Variants in BCL11A observed in about 807,000 individuals in gnomAD.
BCL11A encodes B cell CLL/lymphoma 11A.
BCL11A carries 2 observed loss-of-function variants against 55.9 expected under a neutral mutation model. The ratio of observed to expected loss-of-function variants is 0.04; its 90% CI spans 0.01 to 0.11. The LOEUF is 0.11. Ranked by LOEUF, BCL11A falls within the 10% of genes least tolerant of loss-of-function variation. BCL11A has a pLI of 1.00. For synonymous variants in BCL11A, 465 were observed against 473.4 expected, an observed-to-expected ratio of 0.98 and a Z score of 0.23; for missense variants, 817 against 1,137.1, an observed-to-expected ratio of 0.72 and a Z score of 4.05.
At chr2:60,465,660 G>C (rs1676562408) in intron 3 of BCL11A, among the ~76,000 whole-genome samples, 1 of 152,208 alleles carries the variant, frequency 6.6e-6, no homozygotes, top group Non-Finnish European at 1.5e-5. Context: ...CTCTGGGATA[G>C]TCATTTGATT....
chr2:60,516,597 G>C (rs1668739763), intron 2 of BCL11A, among the ~76,000 whole-genome samples: 1 of 152,196 alleles, frequency 6.6e-6, no homozygotes, highest in Admixed American at 6.5e-5. Flanking sequence ...GGAGTGGAGA[G>C]CTAAGCTCAA....
chr2:60,518,563 C>A (rs892526829), intron 2 of BCL11A, among the ~76,000 whole-genome samples: 4 of 152,112 alleles, frequency 2.6e-5, no homozygotes, highest in African/African-American at 9.7e-5. Flanking sequence ...GCTTCCCACA[C>A]GCAAAGGCAT....
intron 2 of BCL11A, among the ~76,000 whole-genome samples, chr2:60,483,798 T>C (rs1363680419): frequency 1.3e-5 from 2 of 152,214 alleles, no homozygotes; most frequent in African/African-American, 4.8e-5. Context: ...GGAGGATTTC[T>C]TTTTATTTTT....
chr2:60,551,380 C>T (rs1261861955), intron 1 of BCL11A, among the ~76,000 whole-genome samples: 2 of 152,184 alleles, frequency 1.3e-5, no homozygotes, highest in East Asian at 3.9e-4. Context: ...GATCCAGCGC[C>T]CTTAAAATGC....
At chr2:60,514,370 T>G (rs1668631853) in intron 2 of BCL11A, among the ~76,000 whole-genome samples, 1 of 151,872 alleles carries the variant, frequency 6.6e-6, no homozygotes, top group Non-Finnish European at 1.5e-5. Context: ...AAAATAGAAT[T>G]AAATAGCCAG....
At chr2:60,547,285 T>C (rs2104758592) in intron 1 of BCL11A, among the ~76,000 whole-genome samples, 1 of 152,340 alleles carries the variant, frequency 6.6e-6, no homozygotes, top group South Asian at 2.1e-4. Flanking sequence ...ACTAATTTTC[T>C]GAATGAGCTC....
intron 2 of BCL11A, among the ~76,000 whole-genome samples, chr2:60,530,332 T>TAAA (rs10699821): frequency 0.085 from 11,002 of 129,748 alleles, 624 homozygotes; most frequent in Middle Eastern, 0.13. Flanking sequence ...TTCAGCCATT[T>TAAA]AAAAAAAAAA....
At chr2:60,526,317 C>T (rs1159323241) in intron 2 of BCL11A, 1 of 152,210 alleles carries the variant, frequency 6.6e-6, no homozygotes, top group Non-Finnish European at 1.5e-5. Flanking sequence ...ATTTCAACTT[C>T]AGATTGTGCC....
chr2:60,468,007 G>GGTGGTGGTGGTGGT (rs1341068198), intron 3 of BCL11A, among the ~76,000 whole-genome samples: 7 of 85,378 alleles, frequency 8.2e-5, no homozygotes, highest in African/African-American at 2.4e-4. Context: ...TGGTGGTGGT[G>GGTGGTGGTGGTGGT]ATGGTGGTGG....
At chr2:60,452,891 G>A, downstream of BCL11A, 1 of 481,536 alleles carries the variant, frequency 2.1e-6, no homozygotes, top group Non-Finnish European at 3.8e-6. Flanking sequence ...GTCCCCCCAA[G>A]GAGGACCCAG....
intron 2 of BCL11A, chr2:60,478,265 C>G (rs1677746793): frequency 6.6e-6 from 1 of 152,350 alleles, no homozygotes; most frequent in Non-Finnish European, 1.5e-5. Flanking sequence ...AGGTATTAGC[C>G]TCACCTCCCA....
chr2:60,542,953 C>T (rs568391580), intron 2 of BCL11A: 2 of 150,030 alleles, frequency 1.3e-5, no homozygotes, highest in South Asian at 4.2e-4. Flanking sequence ...TCGCTTGAAC[C>T]TAGGAGGCAG....
chr2:60,542,179 T>C (rs373160499), intron 2 of BCL11A: 5 of 308,410 alleles, frequency 1.6e-5, no homozygotes, highest in Non-Finnish European at 2.4e-5. Context: ...AAATGTTATA[T>C]ATCAACAGGA....
intron 2 of BCL11A, among the ~76,000 whole-genome samples, chr2:60,502,801 C>A (rs549194453): frequency 6.6e-6 from 1 of 152,324 alleles, no homozygotes; most frequent in South Asian, 2.1e-4. Context: ...GAAATAAATT[C>A]TAGTCCTGTC....
At chr2:60,550,164 A>G (rs1394817490) in intron 1 of BCL11A, among the ~76,000 whole-genome samples, 1 of 152,010 alleles carries the variant, frequency 6.6e-6, no homozygotes, top group African/African-American at 2.4e-5. Context: ...CCGAAGCCCT[A>G]GAGCGCGCAC....
chr2:60,461,784 G>T lies in BCL11A; in HGVS notation c.1128C>A (p.Ser376=). Reference sequence around the variant, plus strand: ...TCTTGCCGCAGAACTCGCATGACTTGGACTTGACCGGGGGCTGGGAGGGAG... The same window carrying T: ...TCTTGCCGCAGAACTCGCATGACTTTGACTTGACCGGGGGCTGGGAGGGAG... ...APPPSQPPVK[S]KSCEFCGKTF... is the part of the protein sequence containing the mutation. Residue 376 remains serine (S), a synonymous_variant, in exon 4 of 4, where the codon TCC becomes TCA. Coordinates refer to ENST00000642384, the MANE Select transcript of BCL11A (RefSeq NM_022893.4). 1 of 1,613,790 alleles carries T rather than the reference G, an allele frequency of 6.2e-7. No homozygotes were observed. Among genetic ancestry groups the T allele is most frequent in the Non-Finnish European group, 8.5e-7 (1 of 1,179,996 alleles).
chr2:60,490,084 C>T (rs1355241363), intron 2 of BCL11A, among the ~76,000 whole-genome samples: 1 of 152,222 alleles, frequency 6.6e-6, no homozygotes, highest in Admixed American at 6.5e-5. Flanking sequence ...AAGATTTAAA[C>T]AGTCCTCTAT....
In BCL11A at chr2:60,461,051, G is replaced by C; in HGVS notation, c.1861C>G (p.Leu621Val). The C allele has an allele frequency of 1.2e-6, 2 of 1,606,576 alleles. No individual in the cohort carries two copies. Among genetic ancestry groups the C allele is most frequent in the Non-Finnish European group, 1.7e-6 (2 of 1,175,776 alleles). Reference protein sequence around the residue: ...ESASGGLSKKLLLGSPSSLSP... With the variant: ...ESASGGLSKKVLLGSPSSLSP... ...AGCGAGCTGGGGCTGCCCAGCAGCA[G>C]CTTTTTGGACAGGCCCCCCGAGGCC... The change falls in exon 4 of 4, where the codon CTG (leucine) becomes GTG (valine). Residue 621 changes from leucine (L) to valine (V), a missense_variant. This residue lies in a region of BCL11A where 379 missense variants were observed against 425.3 expected (regional missense o/e 0.89). Coordinates refer to ENST00000642384, the MANE Select transcript of BCL11A (RefSeq NM_022893.4).
chr2:60,552,180 A>G (rs1386087660), intron 1 of BCL11A, among the ~76,000 whole-genome samples: 4 of 151,468 alleles, frequency 2.6e-5, no homozygotes, highest in Non-Finnish European at 1.5e-5. Flanking sequence ...CGTCACAGAA[A>G]AGGGTTGGCA....
Sources: allele counts gnomAD v4.1 joint callset (sites outside exome capture counted in the v4.1 genomes callset), GRCh38; gene constraint gnomAD v4.1.1; regional missense constraint gnomAD v4.1.1; transcripts MANE v1.5; gene names NCBI Gene and HGNC (gene_info 2026-07-23, HGNC 2026-07-21).